Variants in GAS2 observed in about 807,000 individuals in gnomAD.
GAS2 encodes the protein growth arrest-specific protein 2.
Under a neutral mutation model 37.5 loss-of-function variants are expected in GAS2, and 20 were observed. That is an observed-to-expected ratio of 0.53 (90% CI 0.37 to 0.77). GAS2 has a LOEUF of 0.77. GAS2 is among the 30% of genes least tolerant of loss of function. The pLI, the probability that GAS2 is intolerant of heterozygous loss-of-function variation, is 0.00. For missense variants in GAS2, 336 were observed against 373.4 expected (o/e 0.90, Z 0.82); for synonymous variants, 144 against 132.2 (o/e 1.09, Z -0.61).
chr11:22,694,446 A>T (rs550382392), intron 3 of GAS2, among the ~76,000 whole-genome samples: 40 of 152,280 alleles, frequency 2.6e-4, no homozygotes, highest in African/African-American at 9.6e-4. Flanking sequence ...CACCTTAAAA[A>T]TTTTTGGAGC....
chr11:22,697,901 T>C (rs1413983472), intron 3 of GAS2, among the ~76,000 whole-genome samples: 1 of 152,184 alleles, frequency 6.6e-6, no homozygotes, highest in African/African-American at 2.4e-5. Context: ...CAGGGACAAT[T>C]TGACTTCCTC....
At chr11:22,740,882 C>T (rs1315685307) in intron 5 of GAS2, among the ~76,000 whole-genome samples, 1 of 152,118 alleles carries the variant, frequency 6.6e-6, no homozygotes, top group Non-Finnish European at 1.5e-5. Flanking sequence ...GGAGAGCTCT[C>T]AATAATCACA....
chr11:22,640,554 G>A lies in GAS2; in HGVS notation c.-21+14741G>A, dbSNP rs116314168. Among the ~76,000 whole-genome samples the A allele has an allele frequency of 7.9e-3, 1,200 of 152,116 alleles. 19 individuals are homozygous for A. Among genetic ancestry groups the A allele is most frequent in the African/African-American group, 0.027 (1,140 of 41,490 alleles). On this transcript the variant is annotated intron_variant, in intron 1 of 5. Coordinates refer to the GAS2 transcript ENST00000528582. ...CAATGGAGATTCTCAAGCATATAAA[G>A]AGAACTTATTTAAAAGTCTTGATCA...
At position 22,682,472 on chromosome 11, in the gene GAS2, TTA is replaced by T. The variant is rs201044086; in HGVS notation, c.146-3195_146-3194del. Among the ~76,000 whole-genome samples, 297 of 152,312 alleles carry T rather than the reference TTA, an allele frequency of 1.9e-3. 2 individuals carry two copies. Among genetic ancestry groups the T allele is most frequent in the African/African-American group, 6.1e-3 (252 of 41,582 alleles). On this transcript the variant is annotated intron_variant, in intron 2 of 7. Transcript: ENST00000454584. ...ATTTGTAAAGAAATAATTCAACAAT[TTA>T]GAGTAAAGTTTATCTTCTTTATCTT...
chr11:22,716,803 G>A (rs1851702815), intron 3 of GAS2, among the ~76,000 whole-genome samples: 1 of 152,048 alleles, frequency 6.6e-6, no homozygotes, highest in East Asian at 1.9e-4. Flanking sequence ...TAAAGTTTTA[G>A]CATACAAAAT....
At chr11:22,733,701 C>T (rs1273159334) in intron 4 of GAS2, among the ~76,000 whole-genome samples, 1 of 151,550 alleles carries the variant, frequency 6.6e-6, no homozygotes, top group African/African-American at 2.4e-5. Flanking sequence ...GAGAGTGAGT[C>T]TCTTGCCACA....
intron 7 of GAS2, among the ~76,000 whole-genome samples, chr11:22,789,787 T>C (rs777455528): frequency 4.0e-5 from 6 of 151,880 alleles, no homozygotes; most frequent in Admixed American, 6.6e-5. Context: ...TTTAATGTAG[T>C]CTTTGAAACT....
At chr11:22,764,060 A>G (rs964958003) in intron 7 of GAS2, among the ~76,000 whole-genome samples, 1 of 152,222 alleles carries the variant, frequency 6.6e-6, no homozygotes, top group African/African-American at 2.4e-5. Flanking sequence ...AATACTCTTA[A>G]CCTATAGTCT....
rs946569125 is a variant in GAS2, at chr11:22,779,922, C to A, written c.723+23969C>A. Reference sequence around the variant, plus strand: ...TTTTAAGGGATACTGATCCCAAGCACCCTGTAATTTTCTTTCATGACATTC... The same window carrying A: ...TTTTAAGGGATACTGATCCCAAGCAACCTGTAATTTTCTTTCATGACATTC... On this transcript the variant is annotated intron_variant, in intron 7 of 7. Transcript: ENST00000454584. 2.0e-5 allele frequency among the ~76,000 whole-genome samples: 3 copies of A among 152,122 alleles called. No individual in the cohort carries two copies. The East Asian group carries it at 5.8e-4, about 29-fold the overall frequency.
At chr11:22,717,941 G>A (rs768312434) in intron 3 of GAS2, among the ~76,000 whole-genome samples, 3 of 151,990 alleles carry the variant, frequency 2.0e-5, no homozygotes, top group Non-Finnish European at 4.4e-5. Context: ...CTGCAAGAAT[G>A]GCCTTAATTT....
chr11:22,735,602 A>G, intron 4 of GAS2, among the ~76,000 whole-genome samples: 1 of 151,854 alleles, frequency 6.6e-6, no homozygotes, highest in East Asian at 1.9e-4. Flanking sequence ...AAGCAAAGAA[A>G]TACACAATAT....
intron 7 of GAS2, among the ~76,000 whole-genome samples, chr11:22,762,740 G>A (rs1266394868): frequency 6.6e-6 from 1 of 152,056 alleles, no homozygotes; most frequent in Non-Finnish European, 1.5e-5. Flanking sequence ...TAATATTTTT[G>A]TTACTGTATG....
chr11:22,792,005 GA>G (rs1856188612), intron 7 of GAS2, among the ~76,000 whole-genome samples: 1 of 152,214 alleles, frequency 6.6e-6, no homozygotes, highest in Non-Finnish European at 1.5e-5. Context: ...GTTTCTCACT[GA>G]CATGAAGTGA....
chr11:22,798,286 C>G (rs1856519188), intron 7 of GAS2, among the ~76,000 whole-genome samples: 1 of 152,032 alleles, frequency 6.6e-6, no homozygotes, highest in Non-Finnish European at 1.5e-5. Context: ...ATTATTGAGT[C>G]TACACCATGT....
intron 7 of GAS2, among the ~76,000 whole-genome samples, chr11:22,777,211 A>G (rs1855303820): frequency 1.3e-5 from 2 of 152,190 alleles, no homozygotes. Flanking sequence ...TAAAGAGTAC[A>G]AGTTTATCAA....
intron 6 of GAS2, among the ~76,000 whole-genome samples, chr11:22,751,471 A>C (rs1240086705): frequency 6.6e-6 from 1 of 151,866 alleles, no homozygotes; most frequent in Non-Finnish European, 1.5e-5. Flanking sequence ...CTTTGTACTC[A>C]AAGACAAAGA....
At chr11:22,629,658 G>A (rs550181348) in intron 1 of GAS2, among the ~76,000 whole-genome samples, 81 of 150,786 alleles carry the variant, frequency 5.4e-4, no homozygotes, top group Non-Finnish European at 1.0e-3. Flanking sequence ...GGGATTATTG[G>A]TTTTTTTTTC....
chr11:22,705,627 G>A (rs576131143), intron 3 of GAS2, among the ~76,000 whole-genome samples: 20 of 152,058 alleles, frequency 1.3e-4, no homozygotes, highest in African/African-American at 3.9e-4. Context: ...CTCAACTTTC[G>A]TTTAACCATA....
At chr11:22,693,862 C>G (rs1255694047) in intron 3 of GAS2, among the ~76,000 whole-genome samples, 1 of 152,120 alleles carries the variant, frequency 6.6e-6, no homozygotes, top group Non-Finnish European at 1.5e-5. Context: ...TAATTTGGCT[C>G]TAGTCTGGGA....
Sources: allele counts gnomAD v4.1 joint callset (sites outside exome capture counted in the v4.1 genomes callset), GRCh38; gene constraint gnomAD v4.1.1; transcripts MANE v1.5; gene names NCBI Gene and HGNC (gene_info 2026-07-23, HGNC 2026-07-21).